TGIF2: variants seen among roughly 807,000 people sequenced by gnomAD.
TGIF2 encodes homeobox protein TGIF2.
In TGIF2, 5 loss-of-function variants were observed where a neutral mutation model predicts 15.1. The ratio of observed to expected loss-of-function variants is 0.33; its 90% CI spans 0.17 to 0.70. The LOEUF (loss-of-function observed/expected upper bound fraction) is 0.70. TGIF2 is among the 30% of genes least tolerant of loss of function. TGIF2 has a pLI of 0.67. For synonymous variants in TGIF2, 131 were observed against 128.9 expected, an observed-to-expected ratio of 1.02 and a Z score of -0.11; for missense variants, 264 against 302.5, an observed-to-expected ratio of 0.87 and a Z score of 0.94.
intron 1 of TGIF2, chr20:36,574,508 C>G (rs1051241799): frequency 6.6e-6 from 1 of 151,902 alleles, no homozygotes; most frequent in African/African-American, 2.4e-5. Flanking sequence ...CCTCCCCCTC[C>G]GGGCCCAGTT....
rs1600786425 is a variant in TGIF2 at position 36,591,609 on chromosome 20, T to C, written c.*178T>C. ...CACCACTGCACTGTGATGGGGGCCC[T>C]CTCCTCTGCTGACTCTGCCGTTTCT... On this transcript the variant is annotated 3_prime_UTR_variant, in exon 3 of 3. Transcript: ENST00000373872. This position sits in a 1 kb window ranked among gnomAD's most constrained non-coding sequence, Gnocchi z 5.3. 1.6e-6 allele frequency: 1 copy of C among 642,802 alleles called. No homozygotes were observed. Among genetic ancestry groups the C allele is most frequent in the East Asian group, 2.8e-5 (1 of 35,964 alleles). The allele number at this position is 642,802 out of a possible 1,614,324, so 39.8% of individuals were successfully genotyped here. A position where few individuals can be genotyped will look rare whatever the true frequency, so the allele number is the denominator to read the frequency against.
At chr20:36,582,284 G>C (rs577811483) in intron 2 of TGIF2, among the ~76,000 whole-genome samples, 1 of 151,862 alleles carries the variant, frequency 6.6e-6, no homozygotes, top group South Asian at 2.1e-4. Context: ...CCATCTCCCC[G>C]CAAGATGTTA....
intron 1 of TGIF2, among the ~76,000 whole-genome samples, chr20:36,575,286 A>G (rs2038404246): frequency 6.6e-6 from 1 of 151,960 alleles, no homozygotes. Context: ...TGTGGGGTGC[A>G]TATGTGGGAA....
intron 2 of TGIF2, among the ~76,000 whole-genome samples, chr20:36,581,638 G>A (rs1600773139): frequency 1.3e-5 from 2 of 152,206 alleles, no homozygotes; most frequent in East Asian, 3.9e-4. Context: ...TTATCTGTGT[G>A]TGTGTGTGTG....
At chr20:36,579,093 G>C (rs1043490563) in intron 2 of TGIF2, 127 bp downstream of exon 2, 78 of 1,312,950 alleles carry the variant, frequency 5.9e-5, no homozygotes, top group Middle Eastern at 4.2e-4. Context: ...GTTTCTTCTT[G>C]GGTTAGGGGA....
At chr20:36,579,468 G>A (rs966394873) in intron 2 of TGIF2, among the ~76,000 whole-genome samples, 2 of 152,186 alleles carry the variant, frequency 1.3e-5, no homozygotes, top group African/African-American at 4.8e-5. Context: ...ACCACGCCTG[G>A]CCCAGACTTT....
chr20:36,582,767 A>G (rs750942239), intron 2 of TGIF2, among the ~76,000 whole-genome samples: 4 of 152,222 alleles, frequency 2.6e-5, no homozygotes, highest in Non-Finnish European at 5.9e-5. Flanking sequence ...GGGACCACCC[A>G]GCCCTCCTTG....
intron 1 of TGIF2, among the ~76,000 whole-genome samples, chr20:36,577,107 G>A (rs2147921049): frequency 6.6e-6 from 1 of 152,152 alleles, no homozygotes; most frequent in East Asian, 1.9e-4. Context: ...TGAACTCCTG[G>A]GTTCAAGGGA....
upstream of TGIF2, chr20:36,573,499 G>C (rs913419051): frequency 6.6e-6 from 1 of 151,530 alleles, no homozygotes; most frequent in African/African-American, 2.4e-5. Flanking sequence ...CGGGGGGTGG[G>C]CGCAGCTCGT....
chr20:36,591,278 C>T lies in TGIF2; in HGVS notation c.561C>T (p.Pro187=). The stretch of plus-strand genomic sequence containing the variant: ...TCTTCAACACGCCACCACCCACACC[C>T]CCAGAGCAGGACAAAGAGGACTTCA... The part of the protein sequence containing the change: ...GGLFNTPPPT[P]PEQDKEDFSS... The change falls in exon 3 of 3, where the codon CCC becomes CCT. Residue 187 remains proline, a synonymous_variant. Transcript: ENST00000373872. The surrounding 1 kb of genome is among the most constrained non-coding windows in gnomAD (Gnocchi z 5.3). 6.2e-7 allele frequency: 1 copy of T among 1,614,226 alleles called. No homozygotes were observed.
chr20:36,591,443 G>A lies in TGIF2; in HGVS notation c.*12G>A, dbSNP rs372115125. The A allele has an allele frequency of 1.1e-5, 18 of 1,581,072 alleles. No individual in the cohort carries two copies. The East Asian group carries it at 1.4e-4, about 12-fold the overall frequency. On this transcript the variant is annotated 3_prime_UTR_variant, in exon 3 of 3. Coordinates refer to ENST00000373872, the MANE Select transcript of TGIF2 (RefSeq NM_021809.7). This position sits in a 1 kb window ranked among gnomAD's most constrained non-coding sequence, Gnocchi z 5.3. ...AAAATCCCCAGTAGGCATCTGCCAA[G>A]AAGGGTGCTGAAGGCTCCAGCCAGC...
intron 2 of TGIF2, among the ~76,000 whole-genome samples, chr20:36,583,991 C>T (rs934176467): frequency 3.3e-5 from 5 of 152,082 alleles, no homozygotes; most frequent in African/African-American, 1.2e-4. Context: ...TGCTTGAACT[C>T]GGGAGGCAGA....
At chr20:36,589,156 A>G (rs1320095754) in intron 2 of TGIF2, among the ~76,000 whole-genome samples, 1 of 152,134 alleles carries the variant, frequency 6.6e-6, no homozygotes, top group African/African-American at 2.4e-5. Flanking sequence ...TATCTTTATA[A>G]TGCCCCCTTT....
At chr20:36,574,740 C>G (rs995010834) in intron 1 of TGIF2, 5 of 152,212 alleles carry the variant, frequency 3.3e-5, no homozygotes, top group African/African-American at 1.2e-4. Flanking sequence ...GGGGTGCAAG[C>G]GCCCCGAGCG....
At position 36,578,983 on chromosome 20, in the gene TGIF2, GA is replaced by G; in HGVS notation, c.192+18del. On this transcript the variant is annotated intron_variant, in intron 2 of 2. Coordinates refer to ENST00000373872, the MANE Select transcript of TGIF2 (RefSeq NM_021809.7). The stretch of plus-strand genomic sequence containing the variant: ...GTGCTGCAAGTAAGGAGGGGATCTG[GA>G]TAAGGGGGTGGCAGGAGGACCTGGG... 1 of 1,609,004 alleles carries G rather than the reference GA, an allele frequency of 6.2e-7. No homozygotes were observed.
At chr20:36,582,017 C>G (rs920374576) in intron 2 of TGIF2, among the ~76,000 whole-genome samples, 1 of 152,126 alleles carries the variant, frequency 6.6e-6, no homozygotes, top group South Asian at 2.1e-4. Flanking sequence ...GGGCGGATCA[C>G]CTGAGGTCAG....
intron 1 of TGIF2, among the ~76,000 whole-genome samples, chr20:36,576,704 C>CT (rs1194152602): frequency 1.3e-5 from 2 of 151,964 alleles, no homozygotes; most frequent in Admixed American, 6.6e-5. Flanking sequence ...AATTTTAGGA[C>CT]TTTTTTGCGG....
Position 36,591,436 on chromosome 20 carries a change from C to T in TGIF2, c.*5C>T. 2 of 1,600,644 alleles carry T rather than the reference C, an allele frequency of 1.2e-6. No individual in the cohort carries two copies. The highest frequency in any genetic ancestry group is 1.7e-6 in the Non-Finnish European group (2 of 1,170,830). On this transcript the variant is annotated 3_prime_UTR_variant, in exon 3 of 3. Transcript: ENST00000373872. The surrounding 1 kb of genome is among the most constrained non-coding windows in gnomAD (Gnocchi z 5.3). ...GTCTCTGAAAATCCCCAGTAGGCAT[C>T]TGCCAAGAAGGGTGCTGAAGGCTCC... is the stretch of plus-strand genomic sequence containing the variant.
intron 2 of TGIF2, among the ~76,000 whole-genome samples, chr20:36,579,271 G>A (rs8125286): frequency 2.0e-5 from 3 of 152,046 alleles, no homozygotes; most frequent in Non-Finnish European, 4.4e-5. Context: ...TCCCGGGTTC[G>A]AGTGATTCTC....
Sources: allele counts gnomAD v4.1 joint callset (sites outside exome capture counted in the v4.1 genomes callset), GRCh38; gene constraint gnomAD v4.1.1; non-coding constraint Gnocchi (gnomAD v3.1); transcripts MANE v1.5; gene names NCBI Gene and HGNC (gene_info 2026-07-23, HGNC 2026-07-21).